Variants in SORCS3 observed in about 807,000 individuals in gnomAD.
SORCS3 encodes the protein sortilin related VPS10 domain containing receptor 3, also known as VPS10 domain-containing receptor SorCS3.
Under a neutral mutation model 146.3 loss-of-function variants are expected in SORCS3, and 57 were observed. The ratio of observed to expected loss-of-function variants is 0.39; its 90% confidence interval spans 0.31 to 0.49. The LOEUF is 0.49. Among genes scored for constraint, SORCS3 ranks in the 20% least tolerant of loss-of-function variants. The pLI, the probability that SORCS3 is intolerant of heterozygous loss-of-function variation, is 0.92. For missense variants in SORCS3, 1,341 were observed against 1,575.5 expected (o/e 0.85, Z 2.52); for synonymous variants, 653 against 618.5 (o/e 1.06, Z -0.83).
chr10:105,263,641 C>T lies in SORCS3; in HGVS notation c.*267C>T, dbSNP rs192728050. The stretch of plus-strand genomic sequence containing the variant: ...CCTCGCTTTACTCTGCCATTGGTAG[C>T]TTAAAGACTTTCTTTTTCCTTGTGG... On this transcript the variant is annotated 3_prime_UTR_variant, in exon 27 of 27. Coordinates refer to ENST00000369701, the MANE Select transcript of SORCS3 (RefSeq NM_014978.3). 8.7e-5 allele frequency: 35 copies of T among 404,474 alleles called. No individual in the cohort carries two copies. Among genetic ancestry groups the T allele is most frequent in the African/African-American group, 6.7e-4 (33 of 49,392 alleles). The allele number at this position is 404,474 out of a possible 1,614,324, so 25.1% of individuals were successfully genotyped here. A position where few individuals can be genotyped will look rare whatever the true frequency, so the allele number is the denominator to read the frequency against.
At chr10:105,084,736 T>C (rs911820498) in intron 5 of SORCS3, among the ~76,000 whole-genome samples, 25 of 149,330 alleles carry the variant, frequency 1.7e-4, no homozygotes, top group Admixed American at 4.7e-4. Flanking sequence ...GCTTCTTCTT[T>C]TTTTTTTTTT....
Position 105,124,735 on chromosome 10 carries a change from C to T in SORCS3, c.1213-14662C>T, listed in dbSNP as rs771491943. On this transcript the variant is annotated intron_variant, in intron 7 of 26. Transcript: ENST00000369701. ...TGTTTGATGGGAACATGAAATTAGC[C>T]ACTTCCCACCTCTCCCTCTAGCCTT... Among the ~76,000 whole-genome samples, 132 of 152,164 alleles carry T rather than the reference C, an allele frequency of 8.7e-4. 1 individual carries two copies. Among genetic ancestry groups the T allele is most frequent in the Non-Finnish European group, 1.6e-3 (107 of 67,992 alleles).
intron 20 of SORCS3, among the ~76,000 whole-genome samples, chr10:105,225,599 T>G (rs1003694374): frequency 1.3e-5 from 2 of 151,974 alleles, no homozygotes; most frequent in East Asian, 3.9e-4. Context: ...TCAAATCACT[T>G]TATCAATGTC....
At chr10:105,237,130 T>A (rs2119704916) in intron 20 of SORCS3, among the ~76,000 whole-genome samples, 1 of 152,286 alleles carries the variant, frequency 6.6e-6, no homozygotes, top group Non-Finnish European at 1.5e-5. Context: ...CCAAAGGTCT[T>A]ACTAAGTGGT....
At chr10:104,926,482 C>T (rs946122962) in intron 3 of SORCS3, among the ~76,000 whole-genome samples, 3 of 152,084 alleles carry the variant, frequency 2.0e-5, no homozygotes, top group East Asian at 1.9e-4. Flanking sequence ...ACTGATTCCA[C>T]GTCCAAATGT....
intron 4 of SORCS3, among the ~76,000 whole-genome samples, chr10:104,985,043 C>G (rs2054954337): frequency 6.6e-6 from 1 of 152,050 alleles, no homozygotes. Context: ...AATGAGGTAA[C>G]AGTGAAGTTT....
At chr10:105,171,724 C>A (rs1426333329) in intron 13 of SORCS3, among the ~76,000 whole-genome samples, 1 of 152,174 alleles carries the variant, frequency 6.6e-6, no homozygotes, top group Non-Finnish European at 1.5e-5. Context: ...ATACACCTTA[C>A]CAGAGGGAGG....
At chr10:104,674,390 A>C (rs1564656347) in intron 1 of SORCS3, among the ~76,000 whole-genome samples, 1 of 152,230 alleles carries the variant, frequency 6.6e-6, no homozygotes, top group Non-Finnish European at 1.5e-5. Context: ...ATTAGGTTAC[A>C]AAAGACTTTG....
chr10:105,184,862 T>G (rs1175477123), intron 14 of SORCS3, among the ~76,000 whole-genome samples: 2 of 152,212 alleles, frequency 1.3e-5, no homozygotes, highest in Non-Finnish European at 2.9e-5. Context: ...TTTTAAAGTG[T>G]ACAATAATGT....
chr10:104,648,746 A>G (rs958273292), intron 1 of SORCS3, among the ~76,000 whole-genome samples: 18 of 152,220 alleles, frequency 1.2e-4, no homozygotes, highest in Non-Finnish European at 2.4e-4. Context: ...GGATTTAATT[A>G]TTTATAGAAA....
intron 18 of SORCS3, among the ~76,000 whole-genome samples, chr10:105,215,726 G>A (rs896117160): frequency 1.2e-4 from 18 of 152,102 alleles, no homozygotes; most frequent in African/African-American, 3.9e-4. Context: ...CATTGTGTGG[G>A]GGGCAAGAGA....
chr10:105,091,670 A>G (rs987402544), intron 6 of SORCS3, among the ~76,000 whole-genome samples: 3 of 152,024 alleles, frequency 2.0e-5, no homozygotes, highest in Non-Finnish European at 2.9e-5. Context: ...TTTTAACTGA[A>G]GAGCTATTGG....
intron 4 of SORCS3, among the ~76,000 whole-genome samples, chr10:105,037,768 C>T (rs1589604335): frequency 6.6e-6 from 1 of 152,302 alleles, no homozygotes; most frequent in East Asian, 1.9e-4. Context: ...GAGGCTGGGA[C>T]TTTAATATAT....
chr10:104,827,390 T>G (rs544125426), intron 1 of SORCS3, among the ~76,000 whole-genome samples: 1 of 152,160 alleles, frequency 6.6e-6, no homozygotes, highest in Admixed American at 6.5e-5. Flanking sequence ...AAAACAACAT[T>G]AATATCTTTG....
chr10:104,956,698 G>A (rs2019495985), intron 3 of SORCS3, among the ~76,000 whole-genome samples: 1 of 151,952 alleles, frequency 6.6e-6, no homozygotes, highest in Non-Finnish European at 1.5e-5. Flanking sequence ...TTTCTCATCT[G>A]TGTGTTCCCT....
At chr10:104,756,763 C>T (rs938590698) in intron 1 of SORCS3, among the ~76,000 whole-genome samples, 1 of 152,198 alleles carries the variant, frequency 6.6e-6, no homozygotes, top group African/African-American at 2.4e-5. Context: ...AAGACAGCTC[C>T]CTTGTGAGCT....
chr10:105,059,632 A>G (rs1391656380), intron 5 of SORCS3, among the ~76,000 whole-genome samples: 1 of 152,196 alleles, frequency 6.6e-6, no homozygotes. Context: ...ATTCAAGCCC[A>G]TTGCCATGGG....
At chr10:104,812,865 C>G (rs142553773) in intron 1 of SORCS3, among the ~76,000 whole-genome samples, 79 of 152,300 alleles carry the variant, frequency 5.2e-4, no homozygotes, top group African/African-American at 1.8e-3. Flanking sequence ...ATCCCCATGT[C>G]CTTCTTGAAG....
At position 104,970,961 on chromosome 10, in the gene SORCS3, A is replaced by G. The variant is rs538607636; in HGVS notation, c.796-6374A>G. Among the ~76,000 whole-genome samples, 24 of 152,314 alleles carry G rather than the reference A, an allele frequency of 1.6e-4. No homozygotes were observed. In the South Asian group the frequency reaches 2.3e-3, roughly 14 times the overall value. On this transcript the variant is annotated intron_variant, in intron 3 of 26. Transcript: ENST00000369701. ...TATGGTTTAGACTGCATGATAGAAA[A>G]TTGGTGGCAACATATGCAAAGATAA...
Sources: allele counts gnomAD v4.1 joint callset (sites outside exome capture counted in the v4.1 genomes callset), GRCh38; gene constraint gnomAD v4.1.1; transcripts MANE v1.5; gene names NCBI Gene and HGNC (gene_info 2026-07-23, HGNC 2026-07-21).